Variants in NTRK2 observed in about 807,000 individuals in gnomAD.
NTRK2 encodes neurotrophic receptor tyrosine kinase 2, also known as BDNF/NT-3 growth factors receptor.
A neutral mutation model predicts 94.5 loss-of-function variants in NTRK2; 13 were observed. The ratio of observed to expected loss-of-function variants is 0.14; its 90% confidence interval spans 0.09 to 0.22. The LOEUF (loss-of-function observed/expected upper bound fraction) is 0.22. Ranked by LOEUF, NTRK2 falls within the 10% of genes least tolerant of loss-of-function variation. NTRK2 has a pLI of 1.00. For missense variants in NTRK2, 639 were observed against 1,071.2 expected (o/e 0.60, Z 5.63); for synonymous variants, 372 against 407.4 (o/e 0.91, Z 1.05).
chr9:84,681,331 C>T (rs539423559), intron 2 of NTRK2, among the ~76,000 whole-genome samples: 38 of 152,300 alleles, frequency 2.5e-4, no homozygotes, highest in South Asian at 2.3e-3. Flanking sequence ...AGCCACAAAC[C>T]GTGACTCTTC....
chr9:84,813,725 C>A (rs201656847), intron 12 of NTRK2: 2 of 1,066,052 alleles, frequency 1.9e-6, no homozygotes, highest in African/African-American at 1.6e-5. Flanking sequence ...GACATCCTAG[C>A]AAATCCTTCC....
At chr9:84,840,818 C>G (rs1243362564) in intron 12 of NTRK2, among the ~76,000 whole-genome samples, 1 of 152,162 alleles carries the variant, frequency 6.6e-6, no homozygotes, top group African/African-American at 2.4e-5. Flanking sequence ...ATTCCAAATG[C>G]TGCACCAGAG....
At chr9:84,730,937 A>G (rs2062845776) in intron 9 of NTRK2, among the ~76,000 whole-genome samples, 1 of 152,170 alleles carries the variant, frequency 6.6e-6, no homozygotes, top group East Asian at 1.9e-4. Flanking sequence ...AATATTTTTT[A>G]TAAGAAATTT....
rs2132973790 is a variant in NTRK2, at chr9:84,955,337, G to A, written c.1992G>A (p.Leu664=). ...CTGAGGGCAACCCGCCCACGGAACTGACGCAGTCGCAGATGCTGCATATAG... is the reference window on the plus strand; with the variant it reads ...CTGAGGGCAACCCGCCCACGGAACTAACGCAGTCGCAGATGCTGCATATAG... The part of the protein sequence containing the change: ...LMAEGNPPTE[L]TQSQMLHIAQ... The change falls in exon 17 of 19, where the codon CTG becomes CTA. Residue 664 remains leucine (L), a synonymous_variant. Transcript: ENST00000277120. 1 of 1,612,326 alleles carries A rather than the reference G, an allele frequency of 6.2e-7. No homozygotes were observed. Among genetic ancestry groups the A allele is most frequent in the Non-Finnish European group, 8.5e-7 (1 of 1,179,202 alleles).
chr9:84,716,907 T>G (rs923026222), intron 6 of NTRK2, among the ~76,000 whole-genome samples: 2 of 152,250 alleles, frequency 1.3e-5, no homozygotes, highest in African/African-American at 2.4e-5. Flanking sequence ...CTGTCATTTT[T>G]CCTACCAGGT....
At chr9:84,786,538 C>T (rs1280666698) in intron 12 of NTRK2, among the ~76,000 whole-genome samples, 2 of 151,982 alleles carry the variant, frequency 1.3e-5, no homozygotes, top group African/African-American at 4.8e-5. Context: ...TGCTGTTTTT[C>T]TCCAAAATAG....
intron 15 of NTRK2, among the ~76,000 whole-genome samples, chr9:84,944,215 T>TCTCTCTCACA (rs1440338055): frequency 6.6e-4 from 79 of 120,324 alleles, no homozygotes; most frequent in Middle Eastern, 4.2e-3. Flanking sequence ...TCTCTCTCTC[T>TCTCTCTCACA]CACACACACA....
rs897571794 is a variant in NTRK2 at position 84,669,812 on chromosome 9, T to C, written c.-449T>C. ...GCCTCGCTGGCTGCTTCGCTCGCGC[T>C]CTACGCGCTCAGTCCCCGGCGGTAG... is the stretch of plus-strand genomic sequence containing the variant. On this transcript the variant is annotated 5_prime_UTR_variant, in exon 1 of 19. Coordinates refer to ENST00000277120, the MANE Select transcript of NTRK2 (RefSeq NM_006180.6). The surrounding 1 kb of genome is among the most constrained non-coding windows in gnomAD (Gnocchi z 4.1). 6.6e-6 allele frequency: 1 copy of C among 152,654 alleles called. No homozygotes were observed. The highest frequency in any genetic ancestry group is 6.5e-5 in the Admixed American group (1 of 15,288). 9.5% of individuals were successfully genotyped at this position (152,654 alleles called of 1,614,324 possible). A position where few individuals can be genotyped will look rare whatever the true frequency, so the allele number is the denominator to read the frequency against.
At chr9:84,729,797 T>C (rs2062713823) in intron 9 of NTRK2, among the ~76,000 whole-genome samples, 1 of 152,246 alleles carries the variant, frequency 6.6e-6, no homozygotes, top group Admixed American at 6.5e-5. Context: ...AGAAGTGGTC[T>C]GAGTCTTTTG....
chr9:84,715,977 T>A (rs553431543), intron 6 of NTRK2, among the ~76,000 whole-genome samples: 41 of 152,174 alleles, frequency 2.7e-4, no homozygotes, highest in Non-Finnish European at 5.7e-4. Context: ...TAATAGTACA[T>A]GAAATGCTCT....
intron 17 of NTRK2, among the ~76,000 whole-genome samples, chr9:84,992,959 C>T (rs781698072): frequency 2.1e-4 from 32 of 150,914 alleles, no homozygotes; most frequent in Non-Finnish European, 3.5e-4. Flanking sequence ...TAACGGTTCT[C>T]ACTAAACCCT....
intron 9 of NTRK2, among the ~76,000 whole-genome samples, chr9:84,736,177 C>A (rs1421058519): frequency 6.6e-6 from 1 of 152,194 alleles, no homozygotes; most frequent in Non-Finnish European, 1.5e-5. Flanking sequence ...TTAGGCAGTA[C>A]ATAAAGAGTG....
intron 2 of NTRK2, among the ~76,000 whole-genome samples, chr9:84,684,064 G>A (rs2059560328): frequency 6.6e-6 from 1 of 150,620 alleles, no homozygotes; most frequent in Admixed American, 6.6e-5. Context: ...TTGTAAATTT[G>A]TTTAAGTTCC....
Position 85,020,475 on chromosome 9 carries a change from G to T in NTRK2, c.2331+111G>T, listed in dbSNP as rs145775911. 4,015 of 1,137,354 alleles carry T rather than the reference G, an allele frequency of 3.5e-3. 9 individuals are homozygous for T. The highest frequency in any genetic ancestry group is 4.5e-3 in the Non-Finnish European group (3,410 of 756,118). 70.5% of individuals were successfully genotyped at this position (1,137,354 alleles called of 1,614,324 possible). On this transcript the variant is annotated intron_variant, in intron 18 of 18. Transcript: ENST00000277120. Reference sequence around the variant, plus strand: ...ACCATGTCAGGACACGATCTTATGGGCTTTGTTGGTGGCAGCACTTCCCAA... The same window carrying T: ...ACCATGTCAGGACACGATCTTATGGTCTTTGTTGGTGGCAGCACTTCCCAA...
intron 12 of NTRK2, among the ~76,000 whole-genome samples, chr9:84,797,773 TATAA>T (rs2069716267): frequency 8.4e-5 from 2 of 23,828 alleles, no homozygotes; most frequent in Admixed American, 8.6e-4. Context: ...TAATAATATA[TATAA>T]TATATATTAT....
intron 12 of NTRK2, among the ~76,000 whole-genome samples, chr9:84,837,837 A>G (rs2073963557): frequency 6.6e-6 from 1 of 152,212 alleles, no homozygotes. Flanking sequence ...GCCATGTCAT[A>G]TACCAACAGT....
At chr9:84,874,659 G>A (rs975938572) in intron 14 of NTRK2, 29 of 1,061,818 alleles carry the variant, frequency 2.7e-5, no homozygotes, top group Non-Finnish European at 3.1e-5. Context: ...GTTCAACCTG[G>A]TTGCCACATA....
chr9:84,886,804 A>G (rs1414241159), intron 14 of NTRK2, among the ~76,000 whole-genome samples: 2 of 152,164 alleles, frequency 1.3e-5, no homozygotes, highest in Non-Finnish European at 2.9e-5. Flanking sequence ...TGGGCCACCA[A>G]ATACTTTTCA....
chr9:84,821,815 T>TAG (rs55923826), intron 12 of NTRK2, among the ~76,000 whole-genome samples: 3,672 of 147,404 alleles, frequency 0.025, 42 homozygotes, highest in Middle Eastern at 0.076. Flanking sequence ...GGGAGAGAAG[T>TAG]AGAGAGAGAG....
Sources: gnomAD v4.1 joint callset for allele counts (sites outside exome capture counted in the v4.1 genomes callset) on GRCh38, gnomAD v4.1.1 for gene constraint, Gnocchi (gnomAD v3.1) non-coding constraint, MANE v1.5 for transcripts, NCBI Gene and HGNC (gene_info 2026-07-23, HGNC 2026-07-21) for gene names.